Variants in ZFHX3 observed in about 807,000 individuals in gnomAD.
The protein encoded by ZFHX3 is zinc finger homeobox 3, also known as zinc finger homeobox protein 3.
Under a neutral mutation model 279.1 loss-of-function variants are expected in ZFHX3, and 42 were observed. The ratio of observed to expected loss-of-function variants is 0.15; its 90% CI spans 0.12 to 0.19. ZFHX3 has a LOEUF of 0.19. Among genes scored for constraint, ZFHX3 ranks in the 10% least tolerant of loss-of-function variants. The pLI is 1.00. For missense variants in ZFHX3, 4,981 were observed against 4,754.0 expected (o/e 1.05, Z -1.40); for synonymous variants, 2,293 against 1,957.8 (o/e 1.17, Z -4.52).
At chr16:73,099,682 G>A (rs1260766630) in intron 7 of ZFHX3, among the ~76,000 whole-genome samples, 6 of 142,628 alleles carry the variant, frequency 4.2e-5, no homozygotes, top group Non-Finnish European at 1.5e-5. Context: ...CGGCACTCCA[G>A]CCTGGGCGAC....
intron 1 of ZFHX3, among the ~76,000 whole-genome samples, chr16:73,725,322 CT>C (rs760196607): frequency 3.3e-5 from 5 of 152,336 alleles, no homozygotes; most frequent in Admixed American, 2.6e-4. Context: ...CAAAAGGGCC[CT>C]GTTTCCTTGA....
At chr16:73,605,096 C>G (rs918992294) in intron 2 of ZFHX3, among the ~76,000 whole-genome samples, 6 of 152,150 alleles carry the variant, frequency 3.9e-5, no homozygotes, top group African/African-American at 1.4e-4. Flanking sequence ...TCTGCTGTAA[C>G]TAAAAAAGGA....
At chr16:72,956,948 G>A (rs1393870206) in intron 2 of ZFHX3, among the ~76,000 whole-genome samples, 1 of 151,982 alleles carries the variant, frequency 6.6e-6, no homozygotes, top group Non-Finnish European at 1.5e-5. Context: ...TCTGAATAAC[G>A]TACACTGTGG....
At chr16:73,343,019 G>T (rs2143263156) in intron 3 of ZFHX3, among the ~76,000 whole-genome samples, 1 of 152,294 alleles carries the variant, frequency 6.6e-6, no homozygotes, top group African/African-American at 2.4e-5. Context: ...TGCTATGCAT[G>T]AACAATTCCA....
chr16:72,870,999 T>G (rs1461040642), intron 4 of ZFHX3, among the ~76,000 whole-genome samples: 1 of 152,168 alleles, frequency 6.6e-6, no homozygotes, highest in African/African-American at 2.4e-5. Context: ...AATGGCAATG[T>G]GTATATTTCT....
chr16:73,516,923 A>C (rs909428594), intron 2 of ZFHX3, among the ~76,000 whole-genome samples: 8 of 152,204 alleles, frequency 5.3e-5, no homozygotes, highest in Admixed American at 3.9e-4. Flanking sequence ...TCTTTCTTTA[A>C]GAGGTGTCTT....
At chr16:72,896,610 A>G (rs2038906965) in intron 3 of ZFHX3, among the ~76,000 whole-genome samples, 1 of 152,230 alleles carries the variant, frequency 6.6e-6, no homozygotes, top group Non-Finnish European at 1.5e-5. Context: ...AGAGACGAAA[A>G]GAGGGCTCTT....
At chr16:73,718,612 T>C (rs1344508572) in intron 1 of ZFHX3, among the ~76,000 whole-genome samples, 6 of 51,480 alleles carry the variant, frequency 1.2e-4, no homozygotes, top group South Asian at 1.5e-3. Context: ...TATTTATTTA[T>C]TATTTATTTA....
chr16:72,792,844 TC>T (rs986405350), intron 9 of ZFHX3, among the ~76,000 whole-genome samples: 2 of 152,216 alleles, frequency 1.3e-5, no homozygotes, highest in African/African-American at 4.8e-5. Flanking sequence ...GGACCAGTTT[TC>T]TTAGGGCATA....
chr16:73,771,235 T>G (rs1426529324), intron 1 of ZFHX3, among the ~76,000 whole-genome samples: 1 of 152,150 alleles, frequency 6.6e-6, no homozygotes, highest in Non-Finnish European at 1.5e-5. Flanking sequence ...CTGCTTTGTC[T>G]ATGTGGATTC....
chr16:73,099,638 G>A (rs1004266188), intron 7 of ZFHX3, among the ~76,000 whole-genome samples: 1 of 148,522 alleles, frequency 6.7e-6, no homozygotes, highest in Non-Finnish European at 1.5e-5. Context: ...TTGAACCCTG[G>A]AGGCAGAGGT....
chr16:73,486,264 T>C (rs1324373415), intron 2 of ZFHX3, among the ~76,000 whole-genome samples: 2 of 152,228 alleles, frequency 1.3e-5, no homozygotes, highest in Non-Finnish European at 2.9e-5. Flanking sequence ...ATCCTCTTCA[T>C]TTACATAGGA....
Position 72,793,546 on chromosome 16 carries a change from G to C in ZFHX3, c.9136C>G (p.Gln3046Glu). 1 of 1,614,170 alleles carries C rather than the reference G, an allele frequency of 6.2e-7. No homozygotes were observed. Among genetic ancestry groups the C allele is most frequent in the Non-Finnish European group, 8.5e-7 (1 of 1,180,036 alleles). ...TCTTTAACTTTGGAGATATGCTGTT[G>C]GGAAAAGATATGGTCACGTACAGAC... is the stretch of plus-strand genomic sequence containing the variant. ...RLSVRDHIFSQQHISKVKDTI... is the reference protein window; with the variant it reads ...RLSVRDHIFSEQHISKVKDTI... Residue 3046 changes from glutamine to glutamate, a missense_variant, in exon 9 of 10, where the codon CAA becomes GAA. Gln to Glu is a conservative substitution (Grantham distance 29). Coordinates refer to ENST00000268489, the MANE Select transcript of ZFHX3 (RefSeq NM_006885.4). This position sits in a 1 kb window ranked among gnomAD's most constrained non-coding sequence, Gnocchi z 4.3.
intron 3 of ZFHX3, among the ~76,000 whole-genome samples, chr16:73,436,476 G>C (rs558460153): frequency 2.6e-5 from 4 of 152,084 alleles, no homozygotes; most frequent in African/African-American, 9.7e-5. Context: ...ATCAGATGTC[G>C]TGAGACATAT....
chr16:72,942,992 G>C (rs1398734521), intron 3 of ZFHX3, among the ~76,000 whole-genome samples: 2 of 152,178 alleles, frequency 1.3e-5, no homozygotes, highest in African/African-American at 2.4e-5. Flanking sequence ...CCTTCTTCTT[G>C]TTCCCCAGTG....
intron 5 of ZFHX3, among the ~76,000 whole-genome samples, chr16:73,234,425 T>C (rs1394863110): frequency 6.6e-6 from 1 of 152,230 alleles, no homozygotes; most frequent in Non-Finnish European, 1.5e-5. Flanking sequence ...GTTTGTTTTT[T>C]TGTTTTTATT....
chr16:73,358,172 C>T (rs954494926), intron 3 of ZFHX3, among the ~76,000 whole-genome samples: 5 of 152,236 alleles, frequency 3.3e-5, no homozygotes, highest in African/African-American at 4.8e-5. Context: ...TAGGCAGCTC[C>T]GGAAATGGCC....
At chr16:73,704,697 C>T (rs897488870) in intron 1 of ZFHX3, among the ~76,000 whole-genome samples, 4 of 152,076 alleles carry the variant, frequency 2.6e-5, no homozygotes, top group Non-Finnish European at 5.9e-5. Flanking sequence ...TAGGATGATC[C>T]AAGAATTCCT....
At chr16:73,876,836 C>T (rs913997425) in intron 1 of ZFHX3, among the ~76,000 whole-genome samples, 1 of 152,042 alleles carries the variant, frequency 6.6e-6, no homozygotes, top group East Asian at 1.9e-4. Flanking sequence ...GTCTAATGTC[C>T]TTTCTCCACC....
Sources: gnomAD v4.1 joint callset for allele counts (sites outside exome capture counted in the v4.1 genomes callset) on GRCh38, gnomAD v4.1.1 for gene constraint, Gnocchi (gnomAD v3.1) non-coding constraint, MANE v1.5 for transcripts, NCBI Gene and HGNC (gene_info 2026-07-23, HGNC 2026-07-21) for gene names.